Variants in ZNF827 observed in about 807,000 individuals in gnomAD.
The protein encoded by ZNF827 is zinc finger protein 827.
ZNF827 carries 13 observed loss-of-function variants against 102.4 expected under a neutral mutation model. The ratio of observed to expected loss-of-function variants is 0.13; its 90% confidence interval spans 0.08 to 0.20. The LOEUF (loss-of-function observed/expected upper bound fraction) is 0.20. ZNF827 is among the 10% of genes least tolerant of loss of function. The probability of loss-of-function intolerance (pLI) is 1.00; values close to 1 mark genes in which losing one functional copy is unlikely to be tolerated. For synonymous variants in ZNF827, 523 were observed against 536.2 expected, an observed-to-expected ratio of 0.98 and a Z score of 0.34; for missense variants, 1,103 against 1,344.4, an observed-to-expected ratio of 0.82 and a Z score of 2.81.
At chr4:145,932,493 G>A (rs76038630) in intron 1 of ZNF827, among the ~76,000 whole-genome samples, 9 of 86,314 alleles carry the variant, frequency 1.0e-4, no homozygotes, top group Admixed American at 4.8e-4. Context: ...TTTTTTTTTT[G>A]AGACGGAGTC....
chr4:145,770,212 T>C (rs1338641047), intron 11 of ZNF827, among the ~76,000 whole-genome samples: 1 of 151,754 alleles, frequency 6.6e-6, no homozygotes, highest in Non-Finnish European at 1.5e-5. Context: ...GACACGAAAA[T>C]TGCTTGAACT....
chr4:145,870,220 G>A (rs1748557873), intron 5 of ZNF827, 25 bp downstream of exon 5: 1 of 1,608,002 alleles, frequency 6.2e-7, no homozygotes, highest in Non-Finnish European at 8.5e-7. Flanking sequence ...ATCAGAATGT[G>A]AATATTTTAG....
At chr4:145,771,993 T>C (rs1383959084) in intron 11 of ZNF827, among the ~76,000 whole-genome samples, 6 of 152,194 alleles carry the variant, frequency 3.9e-5, no homozygotes, top group Admixed American at 1.3e-4. Context: ...ACTGAGGTCC[T>C]ACATTCACAA....
chr4:145,830,743 T>A (rs1744130487), intron 7 of ZNF827: 1 of 152,186 alleles, frequency 6.6e-6, no homozygotes, highest in Admixed American at 6.5e-5. Flanking sequence ...GTAAAAAAAT[T>A]TCGAACACTT....
Position 145,902,362 on chromosome 4 carries a change from C to G in ZNF827, c.897G>C (p.Ala299=). The change falls in exon 2 of 15, where the codon GCG becomes GCC. Residue 299 remains alanine (A), a synonymous_variant. Coordinates refer to ENST00000508784, the MANE Select transcript of ZNF827 (RefSeq NM_001306215.2). This position sits in a 1 kb window ranked among gnomAD's most constrained non-coding sequence, Gnocchi z 4.3. ...ATGATTTCTCAGCCAGAAGACTGCCCGCAGCCCTTGCGGCCACCTCCTTCA... is the reference window on the plus strand; with the variant it reads ...ATGATTTCTCAGCCAGAAGACTGCCGGCAGCCCTTGCGGCCACCTCCTTCA... ...ALLKEVAARA[A]GSLLAEKSSL... is the part of the protein sequence containing the mutation. 6.2e-7 allele frequency: 1 copy of G among 1,610,978 alleles called. No homozygotes were observed. Among genetic ancestry groups the G allele is most frequent in the Non-Finnish European group, 8.5e-7 (1 of 1,178,082 alleles).
chr4:145,898,664 A>C (rs1212704322), intron 2 of ZNF827, among the ~76,000 whole-genome samples: 2 of 152,178 alleles, frequency 1.3e-5, no homozygotes, highest in Admixed American at 1.3e-4. Flanking sequence ...GTCACATGAA[A>C]GAAACCTCCC....
intron 4 of ZNF827, among the ~76,000 whole-genome samples, chr4:145,883,276 C>T (rs1220778642): frequency 6.6e-6 from 1 of 152,152 alleles, no homozygotes; most frequent in Non-Finnish European, 1.5e-5. Flanking sequence ...CTCCAGTAAG[C>T]CACCATAAAA....
At chr4:145,827,435 G>A (rs1214875124) in intron 7 of ZNF827, among the ~76,000 whole-genome samples, 7 of 152,192 alleles carry the variant, frequency 4.6e-5, no homozygotes, top group Admixed American at 1.3e-4. Context: ...CCCTATAGAA[G>A]TTAAGATATG....
chr4:145,938,502 G>T lies in ZNF827; in HGVS notation c.-95C>A. The T allele has an allele frequency of 2.4e-6, 2 of 828,948 alleles. No individual in the cohort carries two copies. The highest frequency in any genetic ancestry group is 3.7e-6 in the Non-Finnish European group (2 of 542,018). 51.3% of individuals were successfully genotyped at this position (828,948 alleles called of 1,614,324 possible). A position where few individuals can be genotyped will look rare whatever the true frequency, so the allele number is the denominator to read the frequency against. ...GGCAGACACTGGCAGGAGCGGGGAGGTAGTTGGGGGGCGGGCGGGCGGGCA... is the reference window on the plus strand; with the variant it reads ...GGCAGACACTGGCAGGAGCGGGGAGTTAGTTGGGGGGCGGGCGGGCGGGCA... On this transcript the variant is annotated 5_prime_UTR_variant, in exon 1 of 15. Transcript: ENST00000508784.
intron 1 of ZNF827, among the ~76,000 whole-genome samples, chr4:145,912,457 T>C (rs527534293): frequency 6.6e-6 from 1 of 152,268 alleles, no homozygotes; most frequent in Non-Finnish European, 1.5e-5. Flanking sequence ...TAAAACTGTG[T>C]ACAAACTTGG....
At chr4:145,919,454 T>G (rs888995973) in intron 1 of ZNF827, among the ~76,000 whole-genome samples, 1 of 152,196 alleles carries the variant, frequency 6.6e-6, no homozygotes. Flanking sequence ...CTTAGAGCAC[T>G]GGGAAAAGCA....
Position 145,885,755 on chromosome 4 carries a change from A to G in ZNF827, c.1670T>C (p.Val557Ala), listed in dbSNP as rs1750067064. 6.2e-7 allele frequency: 1 copy of G among 1,600,776 alleles called. No homozygotes were observed. Among genetic ancestry groups the G allele is most frequent in the Non-Finnish European group, 8.5e-7 (1 of 1,173,298 alleles). Reference protein sequence around the residue: ...HTKLKDPSEYVANSASALFSQ... With the variant: ...HTKLKDPSEYAANSASALFSQ... Reference sequence around the variant, plus strand: ...GAACAATGCTGACGCACTGTTGGCCACATACTCGGAGGGGTCTTTCAGCTT... The same window carrying G: ...GAACAATGCTGACGCACTGTTGGCCGCATACTCGGAGGGGTCTTTCAGCTT... Residue 557 changes from valine to alanine, a missense_variant, in exon 4 of 15, where the codon GTG becomes GCG. Coordinates refer to ENST00000508784, the MANE Select transcript of ZNF827 (RefSeq NM_001306215.2).
intron 1 of ZNF827, among the ~76,000 whole-genome samples, chr4:145,914,220 G>T (rs992148764): frequency 1.3e-5 from 2 of 152,080 alleles, no homozygotes; most frequent in African/African-American, 4.8e-5. Context: ...AAAGAAAAGG[G>T]CCGTGGGAGA....
intron 1 of ZNF827, among the ~76,000 whole-genome samples, chr4:145,928,279 A>T (rs1456518143): frequency 1.3e-5 from 2 of 152,178 alleles, no homozygotes; most frequent in Non-Finnish European, 2.9e-5. Context: ...GCTTTTAAAA[A>T]ACGTTCATGC....
intron 5 of ZNF827, 99 bp downstream of exon 5, chr4:145,870,146 T>C: frequency 9.0e-7 from 1 of 1,105,050 alleles, no homozygotes; most frequent in Non-Finnish European, 1.3e-6. Context: ...TAATGCGATA[T>C]TGCTGCCATT....
At chr4:145,826,768 C>G (rs984913261) in intron 7 of ZNF827, among the ~76,000 whole-genome samples, 2 of 151,486 alleles carry the variant, frequency 1.3e-5, no homozygotes, top group African/African-American at 4.9e-5. Flanking sequence ...TTTTTTGAGA[C>G]AGAGTTTTGC....
intron 7 of ZNF827, chr4:145,834,912 T>A (rs943183178): frequency 6.6e-6 from 1 of 152,190 alleles, no homozygotes; most frequent in African/African-American, 2.4e-5. Context: ...TTGCCTCCAC[T>A]GTGAGACAAA....
intron 6 of ZNF827, among the ~76,000 whole-genome samples, chr4:145,847,218 A>T (rs1171236262): frequency 6.6e-6 from 1 of 152,184 alleles, no homozygotes; most frequent in Non-Finnish European, 1.5e-5. Flanking sequence ...AATATCAAAT[A>T]TCAAGTATGT....
At chr4:145,835,487 C>T (rs1304304313) in intron 7 of ZNF827, among the ~76,000 whole-genome samples, 1 of 150,758 alleles carries the variant, frequency 6.6e-6, no homozygotes, top group Admixed American at 6.6e-5. Context: ...GTTATCCCCA[C>T]CTGCCCAGTT....
Sources: gnomAD v4.1 joint callset for allele counts (sites outside exome capture counted in the v4.1 genomes callset) on GRCh38, gnomAD v4.1.1 for gene constraint, Gnocchi (gnomAD v3.1) non-coding constraint, MANE v1.5 for transcripts, NCBI Gene and HGNC (gene_info 2026-07-23, HGNC 2026-07-21) for gene names.